RBMS3: variants seen among roughly 807,000 people sequenced by gnomAD.
The protein encoded by RBMS3 is RNA-binding motif, single-stranded-interacting protein 3.
In RBMS3, 27 loss-of-function variants were observed where a neutral mutation model predicts 66.8. That is an observed-to-expected ratio of 0.40 (90% confidence interval 0.30 to 0.56). RBMS3 has a LOEUF of 0.56. Among genes scored for constraint, RBMS3 ranks in the 20% least tolerant of loss-of-function variants. RBMS3 has a pLI of 0.40. For missense variants in RBMS3, 513 were observed against 549.5 expected, an observed-to-expected ratio of 0.93 and a Z score of 0.66; for synonymous variants, 188 against 183.0, an observed-to-expected ratio of 1.03 and a Z score of -0.22.
intron 3 of RBMS3, among the ~76,000 whole-genome samples, chr3:29,582,148 TTATA>T (rs2047349374): frequency 9.3e-6 from 1 of 107,626 alleles, no homozygotes; most frequent in Non-Finnish European, 2.0e-5. Context: ...TAGAATTCCA[TTATA>T]GATAGATAGA....
intron 4 of RBMS3, among the ~76,000 whole-genome samples, chr3:29,596,396 T>C (rs2047943794): frequency 2.0e-5 from 3 of 152,220 alleles, no homozygotes; most frequent in Admixed American, 2.0e-4. Flanking sequence ...TTTAACTATA[T>C]CTATTCTGCA....
intron 12 of RBMS3, among the ~76,000 whole-genome samples, chr3:29,956,376 A>G (rs928467583): frequency 2.0e-5 from 3 of 152,040 alleles, no homozygotes; most frequent in East Asian, 1.9e-4. Context: ...TCCACCTTCT[A>G]TGAGATATTT....
At chr3:29,987,995 G>A (rs1698546673) in intron 12 of RBMS3, 148 bp from the exon 13 acceptor site, 1 of 618,060 alleles carries the variant, frequency 1.6e-6, no homozygotes, top group Non-Finnish European at 2.8e-6. Context: ...ACAGAGAGGA[G>A]CTGCCTTATT....
intron 6 of RBMS3, among the ~76,000 whole-genome samples, chr3:29,841,165 TTTA>T (rs1383148067): frequency 1.3e-5 from 2 of 151,972 alleles, no homozygotes; most frequent in South Asian, 2.1e-4. Context: ...TTCCAGTTTT[TTTA>T]TTATTTTTCT....
chr3:29,606,775 C>A (rs1365227565), intron 4 of RBMS3, among the ~76,000 whole-genome samples: 1 of 151,920 alleles, frequency 6.6e-6, no homozygotes, highest in Non-Finnish European at 1.5e-5. Flanking sequence ...TTCTAGTGCT[C>A]ACTTGCAGAC....
chr3:29,498,907 C>T (rs2043861550), intron 3 of RBMS3, among the ~76,000 whole-genome samples: 1 of 151,996 alleles, frequency 6.6e-6, no homozygotes, highest in Non-Finnish European at 1.5e-5. Context: ...AGATTAGCTT[C>T]GTTAATAGCA....
chr3:29,425,987 T>A (rs906980376), intron 1 of RBMS3, among the ~76,000 whole-genome samples: 1 of 152,212 alleles, frequency 6.6e-6, no homozygotes, highest in African/African-American at 2.4e-5. Flanking sequence ...ATGCTCTGAT[T>A]CTAACAATTA....
chr3:29,830,789 G>T (rs539409552), intron 6 of RBMS3, among the ~76,000 whole-genome samples: 3 of 152,124 alleles, frequency 2.0e-5, no homozygotes, highest in Non-Finnish European at 4.4e-5. Flanking sequence ...CAGATCCTTT[G>T]CCCCTTGTGC....
At chr3:29,857,558 T>G (rs977880100) in intron 6 of RBMS3, among the ~76,000 whole-genome samples, 2 of 109,020 alleles carry the variant, frequency 1.8e-5, no homozygotes, top group Non-Finnish European at 3.9e-5. Flanking sequence ...ATGCTTTTTT[T>G]GTTAAAAAAA....
chr3:29,496,019 A>AAACT (rs1476644485), intron 3 of RBMS3, among the ~76,000 whole-genome samples: 2 of 152,150 alleles, frequency 1.3e-5, no homozygotes, highest in Non-Finnish European at 2.9e-5. Flanking sequence ...AGTGGAAACT[A>AAACT]AAATAAATGT....
chr3:29,443,425 A>T (rs546115351), intron 2 of RBMS3, among the ~76,000 whole-genome samples: 6 of 152,138 alleles, frequency 3.9e-5, no homozygotes, highest in South Asian at 4.2e-4. Context: ...ATAAATAATT[A>T]AAAAACATTA....
intron 4 of RBMS3, among the ~76,000 whole-genome samples, chr3:29,636,549 G>A (rs1006791774): frequency 1.6e-4 from 24 of 151,792 alleles, no homozygotes; most frequent in African/African-American, 5.3e-4. Context: ...GTTTTGTTTT[G>A]GCTTTTGGAT....
At chr3:29,693,461 G>A (rs2052127084) in intron 4 of RBMS3, among the ~76,000 whole-genome samples, 2 of 152,184 alleles carry the variant, frequency 1.3e-5, no homozygotes, top group South Asian at 4.1e-4. Flanking sequence ...TTATAAACAG[G>A]GGGATGGGAA....
At chr3:29,801,240 A>G (rs1201785025) in intron 6 of RBMS3, among the ~76,000 whole-genome samples, 2 of 150,464 alleles carry the variant, frequency 1.3e-5, no homozygotes, top group African/African-American at 4.9e-5. Context: ...CTATGTTACT[A>G]GTACCAAACT....
chr3:29,800,909 G>A (rs912591253), intron 6 of RBMS3, among the ~76,000 whole-genome samples: 1 of 151,842 alleles, frequency 6.6e-6, no homozygotes, highest in Non-Finnish European at 1.5e-5. Flanking sequence ...AAAATTACCT[G>A]AAACTACATA....
intron 1 of RBMS3, among the ~76,000 whole-genome samples, chr3:29,349,279 C>T (rs2036764945): frequency 6.6e-6 from 1 of 152,308 alleles, no homozygotes; most frequent in Admixed American, 6.5e-5. Context: ...AAAAAAGCTA[C>T]AGTCGTACTC....
At chr3:29,800,284 C>A (rs150304961) in intron 6 of RBMS3, among the ~76,000 whole-genome samples, 383 of 151,154 alleles carry the variant, frequency 2.5e-3, no homozygotes, top group Non-Finnish European at 3.2e-3. Flanking sequence ...TGTCTTAAGT[C>A]AGGAAGGGAG....
intron 4 of RBMS3, among the ~76,000 whole-genome samples, chr3:29,672,008 A>G (rs1200249177): frequency 6.6e-6 from 1 of 152,210 alleles, no homozygotes; most frequent in East Asian, 1.9e-4. Flanking sequence ...GTTGTAATGA[A>G]GGAAAATATG....
chr3:29,781,727 G>A (rs2056637871), intron 6 of RBMS3, among the ~76,000 whole-genome samples: 2 of 152,048 alleles, frequency 1.3e-5, no homozygotes, highest in Non-Finnish European at 2.9e-5. Flanking sequence ...GAGGCTAGTG[G>A]TCTAGGGCAA....
Sources: allele counts gnomAD v4.1 joint callset (sites outside exome capture counted in the v4.1 genomes callset), GRCh38; gene constraint gnomAD v4.1.1; transcripts MANE v1.5; gene names NCBI Gene and HGNC (gene_info 2026-07-23, HGNC 2026-07-21).